MAEL: variants seen among roughly 807,000 people sequenced by gnomAD.
The protein encoded by MAEL is maelstrom spermatogenic transposon silencer.
In MAEL, 46 loss-of-function variants were observed where a neutral mutation model predicts 62.0. The ratio of observed to expected loss-of-function variants is 0.74; its 90% confidence interval spans 0.59 to 0.95. MAEL has a LOEUF of 0.95. Among genes scored for constraint, MAEL ranks in the 40% least tolerant of loss-of-function variants. The probability of loss-of-function intolerance (pLI) is 0.00; values close to 1 mark genes in which losing one functional copy is unlikely to be tolerated. For synonymous variants in MAEL, 172 were observed against 175.5 expected, an observed-to-expected ratio of 0.98 and a Z score of 0.16; for missense variants, 497 against 526.8, an observed-to-expected ratio of 0.94 and a Z score of 0.55.
intron 1 of MAEL, among the ~76,000 whole-genome samples, chr1:166,978,070 C>A (rs1191905555): frequency 1.3e-5 from 2 of 152,162 alleles, no homozygotes; most frequent in Non-Finnish European, 1.5e-5. Flanking sequence ...CGTGAATGCC[C>A]ACAGAAATGA....
intron 1 of MAEL, chr1:166,975,751 G>C (rs1014974046): frequency 3.3e-5 from 5 of 152,038 alleles, no homozygotes; most frequent in Non-Finnish European, 5.9e-5. Context: ...GCCGCCCCGC[G>C]GGCCGCGCCG....
chr1:167,009,590 A>T (rs1665079390), intron 8 of MAEL, among the ~76,000 whole-genome samples: 2 of 144,496 alleles, frequency 1.4e-5, no homozygotes, highest in Admixed American at 6.9e-5. Context: ...ATTTCTGGAG[A>T]TTTTTTTTTT....
chr1:166,999,782 T>C (rs534416592), intron 5 of MAEL, among the ~76,000 whole-genome samples: 98 of 152,318 alleles, frequency 6.4e-4, no homozygotes, highest in African/African-American at 2.2e-3. Context: ...ATGCAGCTGG[T>C]GACTTTAAGT....
intron 5 of MAEL, among the ~76,000 whole-genome samples, chr1:167,003,016 T>C (rs1395645257): frequency 1.3e-5 from 2 of 152,200 alleles, no homozygotes; most frequent in African/African-American, 4.8e-5. Context: ...TCTGCGGGTC[T>C]TTGAAGAAGG....
intron 4 of MAEL, among the ~76,000 whole-genome samples, chr1:166,993,504 C>T (rs1664279864): frequency 6.6e-6 from 1 of 152,132 alleles, no homozygotes; most frequent in Non-Finnish European, 1.5e-5. Context: ...TGTCAATTAT[C>T]AATTACTTTA....
intron 5 of MAEL, among the ~76,000 whole-genome samples, chr1:167,003,412 A>T (rs1327401971): frequency 1.3e-5 from 2 of 152,044 alleles, no homozygotes. Flanking sequence ...TGTGTACCTG[A>T]TTGTTCATGG....
intron 8 of MAEL, 142 bp from the exon 9 acceptor site, chr1:167,016,080 T>A: frequency 1.4e-6 from 1 of 729,230 alleles, no homozygotes; most frequent in Non-Finnish European, 2.4e-6. Flanking sequence ...AATCTGTTTT[T>A]TAAAAATCTT....
chr1:167,001,274 G>T (rs541219570), intron 5 of MAEL, among the ~76,000 whole-genome samples: 93 of 152,272 alleles, frequency 6.1e-4, no homozygotes, highest in Non-Finnish European at 1.2e-3. Flanking sequence ...AGGGTGGGAA[G>T]GAGGTGAGGG....
intron 11 of MAEL, 69 bp downstream of exon 11, chr1:167,021,229 T>C: frequency 9.0e-7 from 1 of 1,109,798 alleles, no homozygotes; most frequent in Non-Finnish European, 1.4e-6. Flanking sequence ...ATCCCAGGTG[T>C]GGTATTTAAA....
At chr1:166,995,938 T>TA (rs993641072) in intron 5 of MAEL, among the ~76,000 whole-genome samples, 7 of 152,310 alleles carry the variant, frequency 4.6e-5, no homozygotes, top group East Asian at 1.9e-4. Flanking sequence ...CATGGTTCTT[T>TA]AAAAAAATCT....
chr1:167,014,240 A>G (rs1665286494), intron 8 of MAEL, among the ~76,000 whole-genome samples: 1 of 152,216 alleles, frequency 6.6e-6, no homozygotes, highest in Admixed American at 6.5e-5. Context: ...GAAGAGATAA[A>G]TTTGTGCAGG....
chr1:166,984,224 T>C (rs1282102697), upstream of MAEL, among the ~76,000 whole-genome samples: 3 of 152,138 alleles, frequency 2.0e-5, no homozygotes, highest in Non-Finnish European at 4.4e-5. Flanking sequence ...GCTAGTTCTA[T>C]TTTTCCCAAA....
chr1:167,010,785 A>G (rs1665138602), intron 8 of MAEL, among the ~76,000 whole-genome samples: 1 of 152,150 alleles, frequency 6.6e-6, no homozygotes, highest in South Asian at 2.1e-4. Flanking sequence ...TTCCCATAAT[A>G]GCTTTCTGTA....
intron 8 of MAEL, 73 bp downstream of exon 8, chr1:167,005,470 T>G: frequency 7.1e-7 from 1 of 1,409,108 alleles, no homozygotes; most frequent in Admixed American, 2.4e-5. Context: ...TAGGACTATT[T>G]TTGCCTTTTT....
At chr1:166,982,298 T>C (rs1185560781) in intron 1 of MAEL, among the ~76,000 whole-genome samples, 1 of 152,178 alleles carries the variant, frequency 6.6e-6, no homozygotes, top group African/African-American at 2.4e-5. Flanking sequence ...CTCATAGATG[T>C]CAAAGTCACT....
intron 5 of MAEL, among the ~76,000 whole-genome samples, chr1:166,997,598 A>G (rs989257596): frequency 2.0e-5 from 3 of 152,182 alleles, no homozygotes; most frequent in African/African-American, 7.2e-5. Context: ...GGCTGTTCAC[A>G]GATGCAGTCG....
upstream of MAEL, among the ~76,000 whole-genome samples, chr1:166,985,587 T>G (rs1016915887): frequency 1.3e-5 from 2 of 152,188 alleles, no homozygotes; most frequent in African/African-American, 4.8e-5. Context: ...AAAATTAGCC[T>G]TAAAGATTGC....
At chr1:166,981,639 GGT>G (rs1250707019) in intron 1 of MAEL, among the ~76,000 whole-genome samples, 1 of 152,110 alleles carries the variant, frequency 6.6e-6, no homozygotes, top group Non-Finnish European at 1.5e-5. Context: ...TTCATGAAAA[GGT>G]GACCCCTGAG....
intron 1 of MAEL, 92 bp downstream of exon 1, chr1:166,989,576 C>G: frequency 6.6e-7 from 1 of 1,517,666 alleles, no homozygotes; most frequent in Non-Finnish European, 8.9e-7. Context: ...GGAGGTCAGG[C>G]GGCTTGGCCC....
Sources: gnomAD v4.1 joint callset for allele counts (sites outside exome capture counted in the v4.1 genomes callset) on GRCh38, gnomAD v4.1.1 for gene constraint, MANE v1.5 for transcripts, NCBI Gene and HGNC (gene_info 2026-07-23, HGNC 2026-07-21) for gene names.